TTC39B: variants seen among roughly 807,000 people sequenced by gnomAD.
The protein encoded by TTC39B is tetratricopeptide repeat protein 39B.
TTC39B carries 92 observed loss-of-function variants against 96.6 expected under a neutral mutation model. The observed-to-expected ratio is 0.95, with a 90% CI of 0.80 to 1.13. TTC39B has a LOEUF of 1.13. Among genes scored for constraint, TTC39B ranks in the 50% most tolerant of loss-of-function variants. The probability of loss-of-function intolerance (pLI) is 0.00; values close to 1 mark genes in which losing one functional copy is unlikely to be tolerated. For missense variants in TTC39B, 955 were observed against 809.3 expected, an observed-to-expected ratio of 1.18 and a Z score of -2.18; for synonymous variants, 367 against 299.4, an observed-to-expected ratio of 1.23 and a Z score of -2.33.
exon 20 of TTC39B, chr9:15,169,636 A>G (rs1251360238): frequency 1.3e-5 from 2 of 152,222 alleles, no homozygotes; most frequent in Admixed American, 1.3e-4. Flanking sequence ...TGCCACTACA[A>G]TATCTTGAAC....
intron 1 of TTC39B, among the ~76,000 whole-genome samples, chr9:15,278,848 T>A (rs1400318158): frequency 6.6e-6 from 1 of 152,208 alleles, no homozygotes; most frequent in African/African-American, 2.4e-5. Context: ...GTTCTAATAA[T>A]AACAGCAACA....
chr9:15,249,809 T>A, intron 2 of TTC39B: 2 of 888,346 alleles, frequency 2.3e-6, no homozygotes, highest in East Asian at 8.4e-5. Context: ...GAAATTTAAC[T>A]GGAGTTTAAA....
intron 2 of TTC39B, among the ~76,000 whole-genome samples, chr9:15,266,700 T>C (rs1364272818): frequency 6.6e-6 from 1 of 152,126 alleles, no homozygotes; most frequent in Non-Finnish European, 1.5e-5. Flanking sequence ...TGTGATGGAA[T>C]TTAAATATGG....
chr9:15,230,903 T>C (rs759498637), intron 2 of TTC39B, among the ~76,000 whole-genome samples: 13 of 152,096 alleles, frequency 8.5e-5, no homozygotes, highest in Non-Finnish European at 1.6e-4. Context: ...GAGAATTGCT[T>C]GAACCCGGGA....
chr9:15,203,093 T>G (rs1819635718), intron 7 of TTC39B, among the ~76,000 whole-genome samples: 1 of 152,218 alleles, frequency 6.6e-6, no homozygotes, highest in Admixed American at 6.5e-5. Context: ...TAACTGAACT[T>G]GACTGAGGCA....
intron 2 of TTC39B, among the ~76,000 whole-genome samples, chr9:15,241,167 G>A (rs1245633823): frequency 6.6e-6 from 1 of 152,144 alleles, no homozygotes; most frequent in Non-Finnish European, 1.5e-5. Context: ...GGAAAATGGG[G>A]AATGACAAGC....
intron 6 of TTC39B, among the ~76,000 whole-genome samples, chr9:15,207,670 C>T (rs1377442590): frequency 6.6e-6 from 1 of 152,080 alleles, no homozygotes; most frequent in African/African-American, 2.4e-5. Context: ...GTATATAGCA[C>T]ATACAGGATG....
At chr9:15,197,366 G>A (rs1188325856) in intron 8 of TTC39B, among the ~76,000 whole-genome samples, 2 of 152,018 alleles carry the variant, frequency 1.3e-5, no homozygotes, top group Non-Finnish European at 2.9e-5. Flanking sequence ...CAGCATGTCA[G>A]GTACCCAAGA....
chr9:15,217,598 G>A (rs766925039), intron 3 of TTC39B, among the ~76,000 whole-genome samples: 4 of 152,192 alleles, frequency 2.6e-5, no homozygotes, highest in East Asian at 3.9e-4. Flanking sequence ...AGTATCTCTC[G>A]GACACACGTG....
intron 2 of TTC39B, among the ~76,000 whole-genome samples, chr9:15,226,517 G>A (rs2131406726): frequency 6.6e-6 from 1 of 152,236 alleles, no homozygotes; most frequent in East Asian, 1.9e-4. Context: ...CTCATTTTCA[G>A]GCATGTAGGT....
chr9:15,296,501 AT>A (rs891060008), intron 1 of TTC39B, among the ~76,000 whole-genome samples: 3 of 150,712 alleles, frequency 2.0e-5, no homozygotes, highest in Admixed American at 2.0e-4. Context: ...AAAAAAAGCA[AT>A]TTTTTTTTTG....
intron 2 of TTC39B, among the ~76,000 whole-genome samples, chr9:15,253,226 A>G (rs1445993321): frequency 2.6e-5 from 4 of 152,232 alleles, no homozygotes; most frequent in Non-Finnish European, 5.9e-5. Context: ...CAGAGTCATT[A>G]TTGTGGGTTA....
At chr9:15,300,464 T>C (rs1183495710) in intron 1 of TTC39B, among the ~76,000 whole-genome samples, 1 of 152,194 alleles carries the variant, frequency 6.6e-6, no homozygotes, top group African/African-American at 2.4e-5. Context: ...TCATTACTCA[T>C]CATCTTCCAC....
Position 15,306,839 on chromosome 9 carries a change from C to T in TTC39B, c.240+245G>A, listed in dbSNP as rs1200753617. Among the ~76,000 whole-genome samples the T allele has an allele frequency of 6.6e-6, 1 of 152,144 alleles. No individual in the cohort carries two copies. The highest frequency in any genetic ancestry group is 2.4e-5 in the African/African-American group (1 of 41,446). On this transcript the variant is annotated intron_variant, in intron 1 of 19. Transcript: ENST00000512701. The surrounding 1 kb of genome is among the most constrained non-coding windows in gnomAD (Gnocchi z 5.1). Reference sequence around the variant, plus strand: ...GCAGGACGTGGGTCCTCCATCCCCACGACTCGCGGGGCCGGCGCTCCGAAC... The same window carrying T: ...GCAGGACGTGGGTCCTCCATCCCCATGACTCGCGGGGCCGGCGCTCCGAAC...
intron 1 of TTC39B, among the ~76,000 whole-genome samples, chr9:15,271,072 A>T (rs146963551): frequency 0.026 from 3,957 of 152,144 alleles, 172 homozygotes; most frequent in African/African-American, 0.091. Flanking sequence ...TCAGGCTTAA[A>T]ACCAAAGCAT....
At chr9:15,271,038 C>CAGCTGGTA (rs147438185) in intron 1 of TTC39B, among the ~76,000 whole-genome samples, 3,982 of 151,284 alleles carry the variant, frequency 0.026, 172 homozygotes, top group African/African-American at 0.092. Flanking sequence ...CAACATTACA[C>CAGCTGGTA]AGTGAAGAAA....
At chr9:15,288,376 CA>C (rs1428447169) in intron 1 of TTC39B, among the ~76,000 whole-genome samples, 1 of 152,100 alleles carries the variant, frequency 6.6e-6, no homozygotes, top group Non-Finnish European at 1.5e-5. Flanking sequence ...CCCGGCTCCA[CA>C]AGGAAATGAA....
intron 19 of TTC39B, among the ~76,000 whole-genome samples, chr9:15,172,654 G>A (rs980220055): frequency 1.3e-5 from 2 of 151,966 alleles, no homozygotes; most frequent in African/African-American, 4.8e-5. Context: ...CTTTAAAGGG[G>A]GCCATAGAAA....
exon 3 of TTC39B, chr9:15,225,973 A>G: frequency 6.2e-7 from 1 of 1,614,052 alleles, no homozygotes; most frequent in Non-Finnish European, 8.5e-7. Flanking sequence ...CACATGATGC[A>G]AAGTGAAGGC....
Sources: gnomAD v4.1 joint callset for allele counts (sites outside exome capture counted in the v4.1 genomes callset) on GRCh38, gnomAD v4.1.1 for gene constraint, Gnocchi (gnomAD v3.1) non-coding constraint, MANE v1.5 for transcripts, NCBI Gene and HGNC (gene_info 2026-07-23, HGNC 2026-07-21) for gene names.